Variants in ZBTB20 observed in about 807,000 individuals in gnomAD.
ZBTB20 encodes the protein zinc finger and BTB domain containing 20.
In ZBTB20, 9 loss-of-function variants were observed where a neutral mutation model predicts 56.9. The ratio of observed to expected loss-of-function variants is 0.16; its 90% CI spans 0.10 to 0.28. The LOEUF (loss-of-function observed/expected upper bound fraction) is 0.28. Among genes scored for constraint, ZBTB20 ranks in the 10% least tolerant of loss-of-function variants. The pLI is 1.00. For missense variants in ZBTB20, 655 were observed against 1,003.0 expected (o/e 0.65, Z 4.69); for synonymous variants, 417 against 420.7 (o/e 0.99, Z 0.11).
At chr3:114,507,325 A>G (rs1001063043) in intron 6 of ZBTB20, among the ~76,000 whole-genome samples, 42 of 152,158 alleles carry the variant, frequency 2.8e-4, no homozygotes, top group African/African-American at 9.9e-4. Flanking sequence ...GGCATCACAT[A>G]TGACAGAGCT....
intron 5 of ZBTB20, among the ~76,000 whole-genome samples, chr3:114,777,983 A>G (rs1409386209): frequency 6.6e-6 from 1 of 151,028 alleles, no homozygotes; most frequent in African/African-American, 2.4e-5. Context: ...TTCTCAGCAA[A>G]CTATCGCAAA....
chr3:115,027,869 G>T lies in ZBTB20; in HGVS notation c.-507+43350C>A, dbSNP rs112210264. ...TAAATTTAAAAATTAATTAAGAAAG[G>T]TTCCAGAAACAGGTGGTTCAAGAGC... On this transcript the variant is annotated intron_variant, in intron 2 of 11. Coordinates refer to ENST00000675478, the MANE Select transcript of ZBTB20 (RefSeq NM_001348800.3). Among the ~76,000 whole-genome samples the T allele has an allele frequency of 3.3e-3, 487 of 149,720 alleles. 5 individuals are homozygous for T. The highest frequency in any genetic ancestry group is 0.012 in the African/African-American group (472 of 41,024).
intron 6 of ZBTB20, among the ~76,000 whole-genome samples, chr3:114,683,037 A>T (rs2062080646): frequency 6.6e-6 from 1 of 151,792 alleles, no homozygotes; most frequent in African/African-American, 2.4e-5. Flanking sequence ...AAAAGAAGGA[A>T]TTTTTTTTTC....
At chr3:114,421,380 C>A (rs1186492211) in intron 7 of ZBTB20, among the ~76,000 whole-genome samples, 1 of 152,156 alleles carries the variant, frequency 6.6e-6, no homozygotes, top group Non-Finnish European at 1.5e-5. Flanking sequence ...GGGGATATTT[C>A]ATCAGTTATA....
At chr3:115,111,035 A>C (rs1433187911) in intron 1 of ZBTB20, among the ~76,000 whole-genome samples, 2 of 150,224 alleles carry the variant, frequency 1.3e-5, no homozygotes, top group African/African-American at 4.9e-5. Context: ...TAAATAAATA[A>C]ATAAATAAAT....
chr3:114,759,487 C>T (rs2068281342), intron 5 of ZBTB20, among the ~76,000 whole-genome samples: 1 of 152,144 alleles, frequency 6.6e-6, no homozygotes, highest in African/African-American at 2.4e-5. Context: ...CTGGTGCCAA[C>T]ACAGTCATTG....
At chr3:114,726,727 A>G (rs2065316562) in intron 5 of ZBTB20, among the ~76,000 whole-genome samples, 1 of 150,772 alleles carries the variant, frequency 6.6e-6, no homozygotes, top group Non-Finnish European at 1.5e-5. Context: ...CCTGGCTAAC[A>G]TGGTGAAACC....
Position 114,368,362 on chromosome 3 carries a change from A to G in ZBTB20, c.199+11855T>C, listed in dbSNP as rs917435895. On this transcript the variant is annotated intron_variant, in intron 10 of 11. Coordinates refer to ENST00000675478, the MANE Select transcript of ZBTB20 (RefSeq NM_001348800.3). ...GCCCCAGTCTTAGTCCATTAGCAACATGTTCAAGAAATAGCTTTAGCAGTC... is the reference window on the plus strand; with the variant it reads ...GCCCCAGTCTTAGTCCATTAGCAACGTGTTCAAGAAATAGCTTTAGCAGTC... Among the ~76,000 whole-genome samples the G allele has an allele frequency of 3.9e-5, 6 of 152,286 alleles. No homozygotes were observed. The South Asian group carries it at 1.0e-3, about 26-fold the overall frequency.
intron 2 of ZBTB20, among the ~76,000 whole-genome samples, chr3:115,028,280 A>G (rs1168923919): frequency 6.6e-6 from 1 of 150,802 alleles, no homozygotes; most frequent in East Asian, 1.9e-4. Context: ...GAAGCTAGCA[A>G]AAGCCTAAAA....
chr3:115,106,860 C>A (rs1560577254), intron 1 of ZBTB20, among the ~76,000 whole-genome samples: 1 of 152,196 alleles, frequency 6.6e-6, no homozygotes, highest in East Asian at 1.9e-4. Context: ...GGTCTAGCAT[C>A]TGGCAGTACA....
chr3:114,796,809 T>C (rs908899444), intron 5 of ZBTB20, among the ~76,000 whole-genome samples: 4 of 151,986 alleles, frequency 2.6e-5, no homozygotes, highest in Non-Finnish European at 5.9e-5. Flanking sequence ...ACTAGTGTGA[T>C]TTCTAGTTGA....
chr3:114,784,486 G>T (rs1242506101), intron 5 of ZBTB20, among the ~76,000 whole-genome samples: 1 of 152,204 alleles, frequency 6.6e-6, no homozygotes, highest in Non-Finnish European at 1.5e-5. Flanking sequence ...ATTGTAATCA[G>T]TTCAAGTAGT....
intron 7 of ZBTB20, among the ~76,000 whole-genome samples, chr3:114,451,824 C>T (rs891148840): frequency 1.3e-5 from 2 of 152,140 alleles, no homozygotes; most frequent in African/African-American, 2.4e-5. Flanking sequence ...CTTTCCTCCT[C>T]CTCTATTTTT....
At chr3:114,799,949 T>G (rs566840318) in intron 5 of ZBTB20, among the ~76,000 whole-genome samples, 19 of 151,614 alleles carry the variant, frequency 1.3e-4, no homozygotes, top group African/African-American at 4.6e-4. Flanking sequence ...CAATAAAGAG[T>G]GCAATGAACT....
chr3:114,537,825 A>G (rs1325036268), intron 6 of ZBTB20, among the ~76,000 whole-genome samples: 2 of 152,174 alleles, frequency 1.3e-5, no homozygotes, highest in Admixed American at 1.3e-4. Flanking sequence ...GGATGAGTTC[A>G]TTTCCTTTGC....
Position 114,315,010 on chromosome 3 carries a change from T to C in ZBTB20, c.*23995A>G, listed in dbSNP as rs551392437. 2.2e-4 allele frequency: 33 copies of C among 152,288 alleles called. No individual in the cohort carries two copies. Among genetic ancestry groups the C allele is most frequent in the African/African-American group, 7.5e-4 (31 of 41,558 alleles). The allele number at this position is 152,288 out of a possible 1,614,324, so 9.4% of individuals were successfully genotyped here. A position where few individuals can be genotyped will look rare whatever the true frequency, so the allele number is the denominator to read the frequency against. ...TAAAGCACTTGATAGAAAAGGCGTA[T>C]GCAAGGTTTTTCCAAACAATTTTTC... On this transcript the variant is annotated 3_prime_UTR_variant, in exon 12 of 12. Transcript: ENST00000675478.
intron 7 of ZBTB20, among the ~76,000 whole-genome samples, chr3:114,439,660 G>A (rs939855637): frequency 3.9e-5 from 6 of 152,146 alleles, no homozygotes; most frequent in African/African-American, 1.4e-4. Context: ...TGACCTTAGG[G>A]ACTTTATATA....
chr3:115,115,564 C>A (rs2083994087), intron 1 of ZBTB20, among the ~76,000 whole-genome samples: 1 of 152,022 alleles, frequency 6.6e-6, no homozygotes, highest in Non-Finnish European at 1.5e-5. Flanking sequence ...TGCAAATCTT[C>A]AGCAATGTTT....
At chr3:114,753,000 G>T (rs1194162752) in intron 5 of ZBTB20, among the ~76,000 whole-genome samples, 2 of 152,102 alleles carry the variant, frequency 1.3e-5, no homozygotes, top group South Asian at 2.1e-4. Context: ...GGTATTTGCA[G>T]ATGACTTGTT....
Sources: allele counts gnomAD v4.1 joint callset (sites outside exome capture counted in the v4.1 genomes callset), GRCh38; gene constraint gnomAD v4.1.1; transcripts MANE v1.5; gene names NCBI Gene and HGNC (gene_info 2026-07-23, HGNC 2026-07-21).